Variants in FAR2 observed in about 807,000 individuals in gnomAD.
FAR2 encodes epididymis secretory protein Li 81.
In FAR2, 19 loss-of-function variants were observed where a neutral mutation model predicts 56.0. That is an observed-to-expected ratio of 0.34 (90% confidence interval 0.24 to 0.50). The LOEUF (loss-of-function observed/expected upper bound fraction) is 0.50. Among genes scored for constraint, FAR2 ranks in the 20% least tolerant of loss-of-function variants. The pLI is 0.98. For synonymous variants in FAR2, 219 were observed against 218.8 expected (o/e 1.00, Z -0.01); for missense variants, 508 against 642.2 (o/e 0.79, Z 2.26).
At chr12:29,276,026 C>A (rs1948701049) in intron 2 of FAR2, among the ~76,000 whole-genome samples, 1 of 152,296 alleles carries the variant, frequency 6.6e-6, no homozygotes, top group South Asian at 2.1e-4. Context: ...TGGTACTTAA[C>A]AGCCTGGGCT....
chr12:29,235,494 T>A (rs1327070176), intron 1 of FAR2, among the ~76,000 whole-genome samples: 4 of 152,208 alleles, frequency 2.6e-5, no homozygotes, highest in Non-Finnish European at 5.9e-5. Context: ...CTTCCTGTAA[T>A]AAGTCCTGAA....
chr12:29,208,625 C>T (rs1947504721), intron 1 of FAR2, among the ~76,000 whole-genome samples: 1 of 152,112 alleles, frequency 6.6e-6, no homozygotes, highest in Admixed American at 6.6e-5. Context: ...TTTATTAAAA[C>T]TCTGGTCTTG....
intron 11 of FAR2, 124 bp downstream of exon 11, chr12:29,332,851 C>T (rs756938919): frequency 1.7e-5 from 15 of 875,588 alleles, no homozygotes; most frequent in Non-Finnish European, 2.6e-5. Context: ...ACAGGTCCTG[C>T]ACTCCATACT....
At chr12:29,230,889 C>T (rs1214063709) in intron 1 of FAR2, among the ~76,000 whole-genome samples, 3 of 152,104 alleles carry the variant, frequency 2.0e-5, no homozygotes, top group Admixed American at 2.0e-4. Flanking sequence ...GTCAGAGATG[C>T]CTTTTAGATA....
intron 1 of FAR2, among the ~76,000 whole-genome samples, chr12:29,203,475 G>T (rs1947439376): frequency 1.3e-5 from 2 of 152,118 alleles, no homozygotes; most frequent in African/African-American, 4.8e-5. Flanking sequence ...GTAATTAGTG[G>T]GAATGGTCTA....
At chr12:29,291,455 T>C in intron 2 of FAR2, 1 of 456,024 alleles carries the variant, frequency 2.2e-6, no homozygotes, top group Non-Finnish European at 4.4e-6. Context: ...TGGGCAGTTA[T>C]AAAGGGAAAT....
At chr12:29,177,725 G>A (rs983665789) in intron 1 of FAR2, among the ~76,000 whole-genome samples, 6 of 152,058 alleles carry the variant, frequency 3.9e-5, no homozygotes, top group African/African-American at 1.4e-4. Flanking sequence ...CATTTACTCT[G>A]GGCTCTAGAT....
intron 1 of FAR2, among the ~76,000 whole-genome samples, chr12:29,265,727 C>T (rs1319458297): frequency 6.6e-6 from 1 of 151,978 alleles, no homozygotes; most frequent in Admixed American, 6.6e-5. Flanking sequence ...GTAAAGAGGC[C>T]ACCCACAGAA....
chr12:29,289,181 G>GA (rs1230243205), intron 2 of FAR2, among the ~76,000 whole-genome samples: 2 of 150,656 alleles, frequency 1.3e-5, no homozygotes, highest in African/African-American at 2.5e-5. Flanking sequence ...CATAGAAATA[G>GA]AAAAAAACAA....
chr12:29,210,314 A>G (rs1437581187), intron 1 of FAR2, among the ~76,000 whole-genome samples: 1 of 152,192 alleles, frequency 6.6e-6, no homozygotes, highest in African/African-American at 2.4e-5. Flanking sequence ...TTACTCTAAG[A>G]TACTCTAATC....
intron 1 of FAR2, among the ~76,000 whole-genome samples, chr12:29,245,006 G>C (rs890618027): frequency 3.2e-4 from 48 of 150,886 alleles, no homozygotes; most frequent in Admixed American, 3.3e-4. Flanking sequence ...TTTTGAGATG[G>C]AGTCTCACTC....
chr12:29,315,960 C>CGT (rs1281994567), intron 8 of FAR2, among the ~76,000 whole-genome samples: 4,572 of 152,054 alleles, frequency 0.03, 224 homozygotes, highest in African/African-American at 0.1. Context: ...CTATCAGAAC[C>CGT]AAATGTTTTA....
intron 10 of FAR2, among the ~76,000 whole-genome samples, chr12:29,322,403 C>T (rs964130676): frequency 3.9e-5 from 6 of 152,210 alleles, no homozygotes; most frequent in Non-Finnish European, 8.8e-5. Context: ...CTAATCCCTA[C>T]ACCTATGCAC....
At chr12:29,160,658 G>C (rs866239733) in intron 1 of FAR2, among the ~76,000 whole-genome samples, 5 of 152,324 alleles carry the variant, frequency 3.3e-5, no homozygotes, top group Middle Eastern at 6.8e-3. Flanking sequence ...AGATGTCTGA[G>C]ATCCAGGTGT....
intron 1 of FAR2, among the ~76,000 whole-genome samples, chr12:29,238,883 T>C (rs1053183239): frequency 1.3e-5 from 2 of 152,148 alleles, no homozygotes; most frequent in East Asian, 1.9e-4. Flanking sequence ...TAAAACAACA[T>C]GTAATTATGA....
chr12:29,164,843 T>C (rs1949811655), intron 1 of FAR2, among the ~76,000 whole-genome samples: 1 of 152,192 alleles, frequency 6.6e-6, no homozygotes, highest in African/African-American at 2.4e-5. Context: ...AAGATGTATC[T>C]TTCCTGTGTC....
At chr12:29,156,211 G>C (rs1949726097) in intron 1 of FAR2, among the ~76,000 whole-genome samples, 1 of 152,054 alleles carries the variant, frequency 6.6e-6, no homozygotes, top group Non-Finnish European at 1.5e-5. Flanking sequence ...CAATGATAAT[G>C]TACATTTAAA....
intron 1 of FAR2, among the ~76,000 whole-genome samples, chr12:29,171,146 A>T (rs1225279199): frequency 6.6e-6 from 1 of 152,204 alleles, no homozygotes; most frequent in East Asian, 1.9e-4. Flanking sequence ...AGGACAGGAG[A>T]TTAACAATGA....
intron 1 of FAR2, among the ~76,000 whole-genome samples, chr12:29,236,902 C>T (rs889706162): frequency 3.9e-5 from 6 of 151,934 alleles, no homozygotes; most frequent in African/African-American, 9.7e-5. Flanking sequence ...GTGTTGTCAT[C>T]GTTAACTAGC....
Sources: gnomAD v4.1 joint callset for allele counts (sites outside exome capture counted in the v4.1 genomes callset) on GRCh38, gnomAD v4.1.1 for gene constraint, MANE v1.5 for transcripts, NCBI Gene and HGNC (gene_info 2026-07-23, HGNC 2026-07-21) for gene names.